The following NR1H2 variants were observed in gnomAD, a reference collection of about 807,000 sequenced individuals.
NR1H2 encodes the protein nuclear receptor subfamily 1 group H member 2.
NR1H2 carries 33 observed loss-of-function variants against 51.2 expected under a neutral mutation model. The ratio of observed to expected loss-of-function variants is 0.64; its 90% CI spans 0.49 to 0.86. The LOEUF is 0.86. Ranked by LOEUF, NR1H2 falls within the 40% of genes least tolerant of loss-of-function variation. The pLI is 0.00. For missense variants in NR1H2, 592 were observed against 639.9 expected (o/e 0.93, Z 0.81); for synonymous variants, 310 against 264.3 (o/e 1.17, Z -1.68).
chr19:50,377,443 T>C, intron 2 of NR1H2, 144 bp from the exon 3 acceptor site: 1 of 611,012 alleles, frequency 1.6e-6, no homozygotes, highest in Non-Finnish European at 2.8e-6. Flanking sequence ...GGAGGGTTTG[T>C]AGGCTGGCAG....
chr19:50,379,749 C>A, intron 7 of NR1H2, 31 bp from the exon 8 acceptor site: 2 of 1,459,596 alleles, frequency 1.4e-6, no homozygotes, highest in Non-Finnish European at 1.9e-6. Flanking sequence ...GGTCACAGGG[C>A]TCAAGCTCCC....
intron 2 of NR1H2, 31 bp from the exon 3 acceptor site, chr19:50,377,556 C>G (rs761100580): frequency 1.0e-5 from 16 of 1,583,872 alleles, no homozygotes; most frequent in Non-Finnish European, 1.4e-5. Context: ...TTCTTAGCCC[C>G]ACAAGGCTCT....
At chr19:50,382,276 G>T in intron 9 of NR1H2, 102 bp downstream of exon 9, 5 of 1,354,286 alleles carry the variant, frequency 3.7e-6, no homozygotes, top group Non-Finnish European at 4.9e-6. Flanking sequence ...CCCCTCCGCA[G>T]AGTCTTTCCT....
chr19:50,379,515 C>T (rs1010885565), intron 7 of NR1H2, among the ~76,000 whole-genome samples: 1 of 152,186 alleles, frequency 6.6e-6, no homozygotes, highest in Non-Finnish European at 1.5e-5. Flanking sequence ...CAAAGCAGAT[C>T]AAACCCCGTG....
intron 7 of NR1H2, among the ~76,000 whole-genome samples, chr19:50,379,502 GAAC>G (rs1284646794): frequency 6.6e-6 from 1 of 152,206 alleles, no homozygotes; most frequent in African/African-American, 2.4e-5. Context: ...ATGGGGCAAA[GAAC>G]AAAGCAGATC....
rs762179194 is a variant in NR1H2, at chr19:50,378,143, C to T, written c.182-6C>T. The T allele has an allele frequency of 3.1e-6, 5 of 1,605,116 alleles. No homozygotes were observed. In the Middle Eastern group the frequency reaches 6.6e-4, roughly 213 times the overall value. On this transcript the variant is annotated splice_polypyrimidine_tract_variant and splice_region_variant and intron_variant, in intron 4 of 9. Coordinates refer to ENST00000253727, the MANE Select transcript of NR1H2 (RefSeq NM_007121.7). ...CTTTCTCATGGCCTCTACCTACCCA[C>T]CCCAGTCATCCCAGATCCCGAAGAG...
At chr19:50,379,343 A>C (rs997846366) in intron 7 of NR1H2, among the ~76,000 whole-genome samples, 162 bp downstream of exon 7, 1 of 152,240 alleles carries the variant, frequency 6.6e-6, no homozygotes, top group Admixed American at 6.5e-5. Context: ...TCTGAGGCTG[A>C]GAAAATTGAG....
At chr19:50,380,687 T>C (rs1287451481) in intron 8 of NR1H2, among the ~76,000 whole-genome samples, 2 of 151,966 alleles carry the variant, frequency 1.3e-5, no homozygotes, top group African/African-American at 2.4e-5. Flanking sequence ...GCAGAGGAGA[T>C]TGGCGATTGC....
At chr19:50,378,946 C>T in intron 6 of NR1H2, 56 bp from the exon 7 acceptor site, 1 of 1,556,550 alleles carries the variant, frequency 6.4e-7, no homozygotes, top group Non-Finnish European at 8.7e-7. Flanking sequence ...TCAAGGTGGC[C>T]ACCCAGACTT....
rs545379301 is a variant in NR1H2, at chr19:50,382,842, C to T, written c.*240C>T. On this transcript the variant is annotated 3_prime_UTR_variant, in exon 10 of 10. Transcript: ENST00000253727. The stretch of plus-strand genomic sequence containing the variant: ...CACTGACCCTTCCCGGCTGCCCTCC[C>T]TCCCCAGCTTACACCTCAAGCCCAG... 2.3e-6 allele frequency: 1 copy of T among 436,670 alleles called. No individual in the cohort carries two copies. Among genetic ancestry groups the T allele is most frequent in the South Asian group, 4.2e-5 (1 of 23,726 alleles). 27.0% of individuals were successfully genotyped at this position (436,670 alleles called of 1,614,324 possible).
chr19:50,378,592 G>A lies in NR1H2; in HGVS notation c.543G>A (p.Ser181=), dbSNP rs753436982. The part of the protein sequence containing the change: ...RKQQQESQSQ[S]QSPVGPQGSS... The stretch of plus-strand genomic sequence containing the variant: ...AGCAGCAGGAGTCACAGTCACAGTC[G>A]CAGTCACCTGTGGGGCCGCAGGGCA... The change falls in exon 6 of 10, where the codon TCG becomes TCA. Residue 181 remains serine, a synonymous_variant. Coordinates refer to ENST00000253727, the MANE Select transcript of NR1H2 (RefSeq NM_007121.7). 6.8e-6 allele frequency: 11 copies of A among 1,613,978 alleles called. No individual in the cohort carries two copies. The highest frequency in any genetic ancestry group is 4.5e-5 in the East Asian group (2 of 44,888).
rs2037803080 is a variant in NR1H2, at chr19:50,382,743, C to G, written c.*141C>G. On this transcript the variant is annotated 3_prime_UTR_variant, in exon 10 of 10. Transcript: ENST00000253727. ...GGCTCTCATCCCTTGGGATAAGCCC[C>G]AGTCCAGGTCCAGGAGGCTCCCTCC... 1 of 881,442 alleles carries G rather than the reference C, an allele frequency of 1.1e-6. No homozygotes were observed. Among genetic ancestry groups the G allele is most frequent in the South Asian group, 1.9e-5 (1 of 52,868 alleles). The allele number at this position is 881,442 out of a possible 1,614,324, so 54.6% of individuals were successfully genotyped here. A position where few individuals can be genotyped will look rare whatever the true frequency, so the allele number is the denominator to read the frequency against.
intron 8 of NR1H2, 33 bp downstream of exon 8, chr19:50,379,912 G>C (rs777528737): frequency 7.0e-7 from 1 of 1,438,690 alleles, no homozygotes; most frequent in Admixed American, 1.7e-5. Context: ...GGGAGGCTTG[G>C]CGCCCCTGCT....
rs1173400330 is a variant in NR1H2, at chr19:50,379,124, T to G, written c.870T>G (p.Gly290=). 6.2e-7 allele frequency: 1 copy of G among 1,613,902 alleles called. No individual in the cohort carries two copies. Among genetic ancestry groups the G allele is most frequent in the Admixed American group, 1.7e-5 (1 of 60,004 alleles). ...TGGACTTCGCTAAGCAAGTGCCTGG[T>G]TTCCTGCAGCTGGGCCGGGAGGACC... ...EIVDFAKQVP[G]FLQLGREDQI... The change falls in exon 7 of 10, where the codon GGT becomes GGG. Residue 290 remains glycine (G), a synonymous_variant. Transcript: ENST00000253727.
rs376786895 is a variant in NR1H2, at chr19:50,379,898, T to G, written c.1027+19T>G. On this transcript the variant is annotated intron_variant, in intron 8 of 9. Transcript: ENST00000253727. ...CGTGCAGGTAGGGCCCAGGGGAGGC[T>G]TCGGGGAGGCTTGGCGCCCCTGCTG... 2.0e-5 allele frequency: 32 copies of G among 1,562,854 alleles called. No individual in the cohort carries two copies. The African/African-American group carries it at 3.9e-4, about 19-fold the overall frequency.
Position 50,377,610 on chromosome 19 carries a change from C to T in NR1H2, c.5C>T (p.Ser2Phe), listed in dbSNP as rs41379547. The change falls in exon 3 of 10, where the codon TCC (serine) becomes TTC (phenylalanine). Residue 2 changes from serine (S) to phenylalanine (F), a missense_variant. Physicochemically the swap from Ser to Phe is radical, Grantham distance 155. Around this residue, in one of 3 missense-constraint regions of NR1H2, gnomAD observed 316 missense variants for 313.4 expected, o/e 1.01. Transcript: ENST00000253727. The part of the protein sequence containing the change: M[S>F]SPTTSSLDTP... ...AGGCTGCTCCGTGACCCCACCATGT[C>T]CTCTCCTACCACGAGTTCCCTGGAT... is the stretch of plus-strand genomic sequence containing the variant. The T allele has an allele frequency of 1.0e-3, 1,635 of 1,613,846 alleles. 16 individuals carry two copies. In the African/African-American group the frequency reaches 0.016, roughly 16 times the overall value.
At position 50,378,204 on chromosome 19, in the gene NR1H2, G is replaced by A. The variant is rs373402796; in HGVS notation, c.237G>A (p.Pro79=). ...GCAAGCGAAAGAAGGGCCCAGCCCC[G>A]AAGATGCTGGGCCACGAGCTTTGCC... ...PERKRKKGPA[P]KMLGHELCRV... is the part of the protein sequence containing the mutation. Residue 79 remains proline, a synonymous_variant, in exon 5 of 10, where the codon CCG becomes CCA. Coordinates refer to ENST00000253727, the MANE Select transcript of NR1H2 (RefSeq NM_007121.7). 36 of 1,613,522 alleles carry A rather than the reference G, an allele frequency of 2.2e-5. No individual in the cohort carries two copies. Among genetic ancestry groups the A allele is most frequent in the East Asian group, 1.6e-4 (7 of 44,882 alleles).
At position 50,382,434 on chromosome 19, in the gene NR1H2, G is replaced by A. The variant is rs746767082; in HGVS notation, c.1237-22G>A. 1.8e-5 allele frequency: 28 copies of A among 1,570,038 alleles called. No homozygotes were observed. In the South Asian group the frequency reaches 2.7e-4, roughly 15 times the overall value. ...CTGGCAGGGCAGGGGCTCAGCCAGC[G>A]CCCACCTGCCTCCTCCCTCAGGACC... On this transcript the variant is annotated intron_variant, in intron 9 of 9. Transcript: ENST00000253727.
At chr19:50,380,507 G>C (rs908824356) in intron 8 of NR1H2, among the ~76,000 whole-genome samples, 1 of 152,182 alleles carries the variant, frequency 6.6e-6, no homozygotes, top group African/African-American at 2.4e-5. Flanking sequence ...CCAGGGCCTC[G>C]CTCCCTCATT....
Sources: gnomAD v4.1 joint callset for allele counts (sites outside exome capture counted in the v4.1 genomes callset) on GRCh38, gnomAD v4.1.1 for gene constraint, gnomAD v4.1.1 regional missense constraint, MANE v1.5 for transcripts, NCBI Gene and HGNC (gene_info 2026-07-23, HGNC 2026-07-21) for gene names.